Variants in TNR observed in about 807,000 individuals in gnomAD.
TNR encodes tenascin R.
Under a neutral mutation model 150.4 loss-of-function variants are expected in TNR, and 45 were observed. The observed-to-expected ratio is 0.30, with a 90% confidence interval of 0.24 to 0.38. The LOEUF is 0.38. Ranked by LOEUF, TNR falls within the 10% of genes least tolerant of loss-of-function variation. TNR has a pLI of 1.00. For missense variants in TNR, 1,544 were observed against 1,759.1 expected, an observed-to-expected ratio of 0.88 and a Z score of 2.19; for synonymous variants, 687 against 678.4, an observed-to-expected ratio of 1.01 and a Z score of -0.20.
rs192535134 is a variant in TNR, at chr1:175,447,076, T to G, written c.-63-40299A>C. ...GTGTATGTGCATGTGTGTACGCATA[T>G]TCGTGTGTGTTCCAGATGCTCGGAA... On this transcript the variant is annotated intron_variant, in intron 2 of 22. Transcript: ENST00000367674. Among the ~76,000 whole-genome samples the G allele has an allele frequency of 2.6e-5, 4 of 152,324 alleles. No homozygotes were observed. The East Asian group carries it at 7.7e-4, about 29-fold the overall frequency.
At chr1:175,699,552 C>T (rs1666626095) in intron 1 of TNR, among the ~76,000 whole-genome samples, 1 of 152,012 alleles carries the variant, frequency 6.6e-6, no homozygotes, top group Non-Finnish European at 1.5e-5. Flanking sequence ...TCAGTGAGGG[C>T]TAAGCAGGCT....
At chr1:175,551,555 A>G (rs1411038921) in intron 1 of TNR, among the ~76,000 whole-genome samples, 1 of 152,252 alleles carries the variant, frequency 6.6e-6, no homozygotes, top group African/African-American at 2.4e-5. Context: ...GCAACCAGTC[A>G]ACAGGTCGGG....
At chr1:175,615,950 G>A (rs1220362074) in intron 1 of TNR, among the ~76,000 whole-genome samples, 1 of 152,178 alleles carries the variant, frequency 6.6e-6, no homozygotes, top group Non-Finnish European at 1.5e-5. Context: ...AGTTTCAAAA[G>A]CAATACTGTA....
In TNR at chr1:175,359,692, G is replaced by A. The variant is rs1375966342; in HGVS notation, c.2894C>T (p.Thr965Ile). ...CCACTGCAGCAGGGCTTCTGTTGGA[G>A]TGATATTGGTAGCAATCAGATCCAC... ...NPVDLIATNI[T>I]PTEALLQWKA... The change falls in exon 15 of 23, where the codon ACT becomes ATT. Residue 965 changes from threonine (T) to isoleucine (I), a missense_variant. Coordinates refer to ENST00000367674, the MANE Select transcript of TNR (RefSeq NM_003285.3). The A allele has an allele frequency of 2.5e-6, 4 of 1,613,728 alleles. No homozygotes were observed. Among genetic ancestry groups the A allele is most frequent in the Non-Finnish European group, 2.5e-6 (3 of 1,179,878 alleles).
chr1:175,735,628 C>G (rs891312678), intron 1 of TNR, among the ~76,000 whole-genome samples: 1 of 152,108 alleles, frequency 6.6e-6, no homozygotes, highest in African/African-American at 2.4e-5. Context: ...TTTGAAATTG[C>G]ACAATGTCAA....
intron 2 of TNR, among the ~76,000 whole-genome samples, chr1:175,426,389 G>C (rs889443232): frequency 7.2e-5 from 11 of 152,078 alleles, no homozygotes; most frequent in African/African-American, 2.7e-4. Context: ...AGGTGCTGTC[G>C]CTGCTTCCCA....
intron 1 of TNR, among the ~76,000 whole-genome samples, chr1:175,688,755 A>G (rs1463561076): frequency 1.3e-5 from 2 of 151,124 alleles, no homozygotes; most frequent in African/African-American, 2.4e-5. Context: ...CTAGGCCCTA[A>G]GTTTCTGTTT....
At chr1:175,722,712 G>A (rs1484560933) in intron 1 of TNR, among the ~76,000 whole-genome samples, 1 of 152,056 alleles carries the variant, frequency 6.6e-6, no homozygotes, top group African/African-American at 2.4e-5. Flanking sequence ...CAATTTGCCT[G>A]CCTCAGCCTT....
At chr1:175,343,328 A>G in intron 18 of TNR, among the ~76,000 whole-genome samples, 1 of 152,128 alleles carries the variant, frequency 6.6e-6, no homozygotes, top group East Asian at 1.9e-4. Context: ...AGGGTGTAGT[A>G]ATTACTCGTC....
At chr1:175,590,628 G>A (rs1268845515) in intron 1 of TNR, among the ~76,000 whole-genome samples, 3 of 152,186 alleles carry the variant, frequency 2.0e-5, no homozygotes, top group Non-Finnish European at 4.4e-5. Flanking sequence ...ACAAAGGAGG[G>A]GGGGATCCAC....
intron 2 of TNR, among the ~76,000 whole-genome samples, chr1:175,505,353 G>A (rs912985359): frequency 2.0e-5 from 3 of 152,246 alleles, no homozygotes; most frequent in Admixed American, 6.5e-5. Context: ...CTGAAAGGCA[G>A]CTGAGAGATC....
At position 175,403,315 on chromosome 1, in the gene TNR, A is replaced by T. The variant is rs1369191517; in HGVS notation, c.801T>A (p.Pro267=). ...ATCTCCCCTTCCCCGAACAGTCCCC[A>T]GGGCACCTCAGTTCCCTGCAGTCCT... ...TGEDCRELRC[P]GDCSGKGRCA... The change falls in exon 4 of 23, where the codon CCT becomes CCA. Residue 267 remains proline (P), a synonymous_variant. Coordinates refer to ENST00000367674, the MANE Select transcript of TNR (RefSeq NM_003285.3). 5.6e-6 allele frequency: 9 copies of T among 1,613,994 alleles called. No homozygotes were observed. The highest frequency in any genetic ancestry group is 7.6e-6 in the Non-Finnish European group (9 of 1,180,008).
At chr1:175,710,485 C>T (rs1263816094) in intron 1 of TNR, among the ~76,000 whole-genome samples, 1 of 152,096 alleles carries the variant, frequency 6.6e-6, no homozygotes, top group African/African-American at 2.4e-5. Flanking sequence ...GGAGTTCTGG[C>T]CCTACGGTTG....
At chr1:175,642,630 G>A (rs1411600953) in intron 1 of TNR, among the ~76,000 whole-genome samples, 2 of 152,150 alleles carry the variant, frequency 1.3e-5, no homozygotes, top group Non-Finnish European at 1.5e-5. Flanking sequence ...TGTAATGTCT[G>A]TCAGAAAGGA....
intron 7 of TNR, among the ~76,000 whole-genome samples, chr1:175,388,609 G>C (rs554522896): frequency 1.2e-4 from 18 of 152,322 alleles, no homozygotes; most frequent in African/African-American, 3.8e-4. Context: ...TCTGCCCTTT[G>C]TTGGCCACTT....
intron 18 of TNR, among the ~76,000 whole-genome samples, chr1:175,349,575 A>G (rs185380470): frequency 6.6e-6 from 1 of 152,344 alleles, no homozygotes; most frequent in East Asian, 1.9e-4. Flanking sequence ...TTTCAAAAAT[A>G]CATACAAACA....
At chr1:175,377,462 T>G (rs1222995470) in intron 9 of TNR, among the ~76,000 whole-genome samples, 4 of 105,862 alleles carry the variant, frequency 3.8e-5, no homozygotes, top group Non-Finnish European at 8.2e-5. Flanking sequence ...TTTCAGGGTT[T>G]TTTTTTTTTT....
chr1:175,336,006 A>G (rs953653912), intron 19 of TNR, among the ~76,000 whole-genome samples, 199 bp from the exon 20 acceptor site: 3 of 152,206 alleles, frequency 2.0e-5, no homozygotes, highest in Non-Finnish European at 4.4e-5. Context: ...CACTCAGAGC[A>G]TTTCTCTTGA....
At chr1:175,334,957 GA>G (rs1348456464) in intron 20 of TNR, among the ~76,000 whole-genome samples, 1 of 152,210 alleles carries the variant, frequency 6.6e-6, no homozygotes, top group Admixed American at 6.5e-5. Context: ...AGGCCGGTAA[GA>G]AGCTTGTTAT....
Sources: gnomAD v4.1 joint callset for allele counts (sites outside exome capture counted in the v4.1 genomes callset) on GRCh38, gnomAD v4.1.1 for gene constraint, MANE v1.5 for transcripts, NCBI Gene and HGNC (gene_info 2026-07-23, HGNC 2026-07-21) for gene names.